ZBTB4: variants seen among roughly 807,000 people sequenced by gnomAD.
The protein encoded by ZBTB4 is zinc finger and BTB domain containing 4, also known as zinc finger and BTB domain-containing protein 4.
A neutral mutation model predicts 59.8 loss-of-function variants in ZBTB4; 14 were observed. The ratio of observed to expected loss-of-function variants is 0.23; its 90% CI spans 0.15 to 0.37. ZBTB4 has a LOEUF of 0.37. ZBTB4 is among the 10% of genes least tolerant of loss of function. ZBTB4 has a pLI of 1.00. For synonymous variants in ZBTB4, 587 were observed against 575.2 expected (o/e 1.02, Z -0.29); for missense variants, 1,198 against 1,380.8 (o/e 0.87, Z 2.10).
rs542141808 is a variant in ZBTB4, at chr17:7,477,572, T to G, written c.-81+1884A>C. ...GTGGTGTGCAGGCTTGGAATGCACT[T>G]GCACACACACCCCTAGAAGGGCCCA... On this transcript the variant is annotated intron_variant, in intron 1 of 3. Transcript: ENST00000380599. 1.4e-4 allele frequency among the ~76,000 whole-genome samples: 22 copies of G among 152,250 alleles called. No homozygotes were observed. The South Asian group carries it at 3.1e-3, about 22-fold the overall frequency.
intron 1 of ZBTB4, among the ~76,000 whole-genome samples, chr17:7,470,001 G>A (rs1194466682): frequency 1.3e-5 from 2 of 152,070 alleles, no homozygotes; most frequent in Non-Finnish European, 2.9e-5. Context: ...AGAATCACTT[G>A]AATCCGGGAG....
At chr17:7,479,368 G>A (rs970827969) in intron 1 of ZBTB4, 88 bp downstream of exon 1, 4 of 152,830 alleles carry the variant, frequency 2.6e-5, no homozygotes, top group African/African-American at 9.7e-5. Context: ...GGCGCGGTCG[G>A]GGCTCCCGCA....
At chr17:7,464,502 G>A (rs939567551) in intron 3 of ZBTB4, among the ~76,000 whole-genome samples, 6 of 151,318 alleles carry the variant, frequency 4.0e-5, no homozygotes, top group Admixed American at 6.6e-5. Context: ...GTGAGTGGTG[G>A]TGAGCAGGGG....
upstream of ZBTB4, chr17:7,481,855 G>C (rs8065577): frequency 0.75 from 982,877 of 1,310,276 alleles, 370,528 homozygotes; most frequent in East Asian, 0.89. Flanking sequence ...TTCTAGCTCC[G>C]AAGAGTTCCT....
At position 7,462,017 on chromosome 17, in the gene ZBTB4, G is replaced by A. The variant is rs1476949544; in HGVS notation, c.2965C>T (p.Leu989Phe). The A allele has an allele frequency of 3.1e-6, 5 of 1,603,668 alleles. No homozygotes were observed. Among genetic ancestry groups the A allele is most frequent in the African/African-American group, 1.3e-5 (1 of 74,734 alleles). The change falls in exon 4 of 4, where the codon CTT (leucine) becomes TTT (phenylalanine). Residue 989 changes from leucine (L) to phenylalanine (F), a missense_variant. Coordinates refer to ENST00000380599, the MANE Select transcript of ZBTB4 (RefSeq NM_001128833.2). The surrounding 1 kb of genome is among the most constrained non-coding windows in gnomAD (Gnocchi z 7.5). ...PAPPTPPPPTLPPPIPPKGEG... is the reference protein window; with the variant it reads ...PAPPTPPPPTFPPPIPPKGEG... ...CCCTTAGGGGGAATTGGTGGAGGAAGAGTTGGGGGAGGTGGTGTTGGTGGG... is the reference window on the plus strand; with the variant it reads ...CCCTTAGGGGGAATTGGTGGAGGAAAAGTTGGGGGAGGTGGTGTTGGTGGG...
At chr17:7,482,048 C>T (rs1451688576), upstream of ZBTB4, 1 of 1,613,478 alleles carries the variant, frequency 6.2e-7, no homozygotes, top group South Asian at 1.1e-5. Flanking sequence ...GCCCTCCGCT[C>T]CACCCAGCCT....
At chr17:7,481,634 A>C, upstream of ZBTB4, 1 of 749,560 alleles carries the variant, frequency 1.3e-6, no homozygotes, top group African/African-American at 1.8e-5. Context: ...AGAATTCATA[A>C]TGGTGTACCC....
At chr17:7,474,564 C>T (rs376355144) in intron 1 of ZBTB4, among the ~76,000 whole-genome samples, 1 of 151,876 alleles carries the variant, frequency 6.6e-6, no homozygotes, top group African/African-American at 2.4e-5. Flanking sequence ...TATCTGAAGT[C>T]GTTAGAATAG....
rs373243396 is a variant in ZBTB4, at chr17:7,475,997, AC to A, written c.-81+3458del. On this transcript the variant is annotated intron_variant, in intron 1 of 3. Transcript: ENST00000380599. ...CATGTCTGACTCCACCCTTTCCCTC[AC>A]TTCCACATCCAGCAGTCATCAAGTG... Among the ~76,000 whole-genome samples, 147 of 152,118 alleles carry A rather than the reference AC, an allele frequency of 9.7e-4. 1 individual carries two copies. In the South Asian group the frequency reaches 0.029, roughly 30 times the overall value.
At position 7,460,236 on chromosome 17, in the gene ZBTB4, CAG is replaced by C. The variant is rs1022326728; in HGVS notation, c.*1702_*1703del. On this transcript the variant is annotated 3_prime_UTR_variant, in exon 4 of 4. Transcript: ENST00000380599. The stretch of plus-strand genomic sequence containing the variant: ...CAAGACCAAGAAAAGTGCAAAGAGA[CAG>C]AGGAGGAATGAAGGAGTGACTCCTC... 2 of 152,480 alleles carry C rather than the reference CAG, an allele frequency of 1.3e-5. No homozygotes were observed. The highest frequency in any genetic ancestry group is 2.4e-5 in the African/African-American group (1 of 41,402). The allele number at this position is 152,480 out of a possible 1,614,324, so 9.4% of individuals were successfully genotyped here.
Position 7,463,593 on chromosome 17 carries a change from TG to T in ZBTB4, c.1388del (p.Pro463GlnfsTer106). On this transcript the variant is annotated frameshift_variant, in exon 4 of 4. Transcript: ENST00000380599. LOFTEE classifies it high-confidence loss of function. The part of the protein sequence containing the change: ...ASPPPGPPPA[P>X]EPGPPPSVIT... ...TGACAGAGGGTGGAGGGCCAGGCTC[TG>T]GGGCAGGTGGAGGCCCAGGCGGCGG... 6.3e-7 allele frequency: 1 copy of T among 1,599,960 alleles called. No individual in the cohort carries two copies. Among genetic ancestry groups the T allele is most frequent in the Middle Eastern group, 1.7e-4 (1 of 5,972 alleles).
At chr17:7,482,511 G>C (rs1236225752), upstream of ZBTB4, 1 of 1,613,528 alleles carries the variant, frequency 6.2e-7, no homozygotes, top group Non-Finnish European at 8.5e-7. Flanking sequence ...GTGGGACCTG[G>C]ACTCTGGACA....
upstream of ZBTB4, chr17:7,482,822 G>A: frequency 6.2e-7 from 1 of 1,612,048 alleles, no homozygotes; most frequent in Non-Finnish European, 8.5e-7. Flanking sequence ...GGCCCACCCT[G>A]CCCTGGTGTG....
At position 7,479,629 on chromosome 17, in the gene ZBTB4, A is replaced by C. The variant is rs2070317698; in HGVS notation, c.-254T>G. On this transcript the variant is annotated 5_prime_UTR_variant, in exon 1 of 4. It removes an upstream start codon present in the reference 5' UTR. Transcript: ENST00000380599. Reference sequence around the variant, plus strand: ...CGCCGCCGCCGCCGCCGCTGACATCATCGGCTCCCCCCGCCCCGGTCCTAC... The same window carrying C: ...CGCCGCCGCCGCCGCCGCTGACATCCTCGGCTCCCCCCGCCCCGGTCCTAC... The C allele has an allele frequency of 3.3e-5, 5 of 150,714 alleles. No homozygotes were observed. Among genetic ancestry groups the C allele is most frequent in the Non-Finnish European group, 4.1e-5 (3 of 73,914 alleles). 9.3% of individuals were successfully genotyped at this position (150,714 alleles called of 1,614,324 possible). A position where few individuals can be genotyped will look rare whatever the true frequency, so the allele number is the denominator to read the frequency against.
In ZBTB4 at chr17:7,461,100, T is replaced by C. The variant is rs984189591; in HGVS notation, c.*840A>G. 2.6e-5 allele frequency: 4 copies of C among 152,680 alleles called. No individual in the cohort carries two copies. The highest frequency in any genetic ancestry group is 7.2e-5 in the African/African-American group (3 of 41,456). 9.5% of individuals were successfully genotyped at this position (152,680 alleles called of 1,614,324 possible). ...CCCCCAAATCTGGTCTAGCCCAGAA[T>C]AGGCCATATGTAGAGGCAGAAAGAG... On this transcript the variant is annotated 3_prime_UTR_variant, in exon 4 of 4. Transcript: ENST00000380599.
chr17:7,461,033 T>C lies in ZBTB4; in HGVS notation c.*907A>G, dbSNP rs1279191983. The C allele has an allele frequency of 2.6e-5, 4 of 152,520 alleles. No homozygotes were observed. The highest frequency in any genetic ancestry group is 5.9e-5 in the Non-Finnish European group (4 of 68,014). 9.4% of individuals were successfully genotyped at this position (152,520 alleles called of 1,614,324 possible). On this transcript the variant is annotated 3_prime_UTR_variant, in exon 4 of 4. Coordinates refer to ENST00000380599, the MANE Select transcript of ZBTB4 (RefSeq NM_001128833.2). The stretch of plus-strand genomic sequence containing the variant: ...TCAGGAAAAAAAAACAGGGAGAAAG[T>C]AGATTCCCTTCTCCATCCCATATGG...
chr17:7,465,272 C>T (rs2070102243), intron 3 of ZBTB4, among the ~76,000 whole-genome samples: 1 of 151,206 alleles, frequency 6.6e-6, no homozygotes, highest in Non-Finnish European at 1.5e-5. Context: ...TCCTGACCAA[C>T]ATGATGAAAC....
upstream of ZBTB4, chr17:7,482,236 C>T (rs1235488113): frequency 1.2e-6 from 2 of 1,614,040 alleles, no homozygotes; most frequent in South Asian, 2.2e-5. Flanking sequence ...TCCCTATTGC[C>T]CTGCTACTTA....
chr17:7,480,118 G>GA (rs1162013884), upstream of ZBTB4, among the ~76,000 whole-genome samples: 1 of 152,076 alleles, frequency 6.6e-6, no homozygotes, highest in South Asian at 2.1e-4. Context: ...GCAGGCCGCG[G>GA]AAAAAGAAGG....
Sources: gnomAD v4.1 joint callset for allele counts (sites outside exome capture counted in the v4.1 genomes callset) on GRCh38, gnomAD v4.1.1 for gene constraint, Gnocchi (gnomAD v3.1) non-coding constraint, MANE v1.5 for transcripts, NCBI Gene and HGNC (gene_info 2026-07-23, HGNC 2026-07-21) for gene names.